Variants in SUN2 observed in about 807,000 individuals in gnomAD.
SUN2 encodes the protein SUN domain-containing protein 2.
SUN2 carries 60 observed loss-of-function variants against 100.0 expected under a neutral mutation model. That is an observed-to-expected ratio of 0.60 (90% CI 0.49 to 0.74). SUN2 has a LOEUF of 0.74. SUN2 is among the 30% of genes least tolerant of loss of function. SUN2 has a pLI of 0.00. For missense variants in SUN2, 834 were observed against 954.6 expected, an observed-to-expected ratio of 0.87 and a Z score of 1.66; for synonymous variants, 367 against 403.3, an observed-to-expected ratio of 0.91 and a Z score of 1.08.
chr22:38,755,783 A>G lies in SUN2; in HGVS notation c.-58T>C. The G allele has an allele frequency of 5.1e-6, 5 of 984,442 alleles. No individual in the cohort carries two copies. The highest frequency in any genetic ancestry group is 6.0e-6 in the Non-Finnish European group (5 of 829,596). The allele number at this position is 984,442 out of a possible 1,614,324, so 61.0% of individuals were successfully genotyped here. The stretch of plus-strand genomic sequence containing the variant: ...CTCACCTGCTGCCGCGGCGGCTTCT[A>G]GCCCGGCCGGGGGCGTCCGAGGCCA... On this transcript the variant is annotated 5_prime_UTR_variant, in exon 1 of 18. Transcript: ENST00000689035. The surrounding 1 kb of genome is among the most constrained non-coding windows in gnomAD (Gnocchi z 5.7).
At chr22:38,745,284 A>ACAGGCAAGTACGAGCC (rs1318630743) in intron 8 of SUN2, 1 of 438,600 alleles carries the variant, frequency 2.3e-6, no homozygotes, top group Non-Finnish European at 4.7e-6. Flanking sequence ...ACAGATCCAC[A>ACAGGCAAGTACGAGCC]CAGGCAAGTA....
intron 9 of SUN2, 93 bp downstream of exon 9, chr22:38,742,208 C>G: frequency 6.8e-7 from 1 of 1,464,478 alleles, no homozygotes; most frequent in South Asian, 1.4e-5. Context: ...GCTGTCTGAT[C>G]CCAAATGACA....
rs963511801 is a variant in SUN2, at chr22:38,735,365, CCCA to C, written c.*899_*901del. On this transcript the variant is annotated 3_prime_UTR_variant, in exon 18 of 18. Coordinates refer to ENST00000689035, the MANE Select transcript of SUN2 (RefSeq NM_015374.3). ...CTCGCACCCCGATACCCTGAACGTC[CCCA>C]CAAGAGCCCAGGAGTTCCATGCTCC... The C allele has an allele frequency of 9.1e-5, 35 of 385,798 alleles. No homozygotes were observed. The highest frequency in any genetic ancestry group is 6.6e-5 in the Non-Finnish European group (13 of 196,534). 23.9% of individuals were successfully genotyped at this position (385,798 alleles called of 1,614,324 possible).
In SUN2 at chr22:38,749,371, C is replaced by T. The variant is rs117231474; in HGVS notation, c.614+395G>A. Among the ~76,000 whole-genome samples the T allele has an allele frequency of 5.2e-4, 79 of 152,198 alleles. 1 individual carries two copies. The East Asian group carries it at 0.014, about 28-fold the overall frequency. ...TGGGGAACTCGGGGGGTTAGATTGT[C>T]CCAGGCCCAAGAAGGAAGATGGACT... On this transcript the variant is annotated intron_variant, in intron 6 of 17. Coordinates refer to ENST00000689035, the MANE Select transcript of SUN2 (RefSeq NM_015374.3).
In SUN2 at chr22:38,750,229, C is replaced by G; in HGVS notation, c.516G>C (p.Ser172=). ...TGGGCACGGGTTGCAGCCCACCTGG[C>G]GAAGTGGCCACCATCCAGAGTAAGG... The part of the protein sequence containing the change: ...AGSLLWMVAT[S]PGRLFRLLYW... The change falls in exon 5 of 18, where the codon TCG becomes TCC. Residue 172 remains serine (S), a synonymous_variant. Transcript: ENST00000689035. 6.2e-7 allele frequency: 1 copy of G among 1,610,102 alleles called. No homozygotes were observed. Among genetic ancestry groups the G allele is most frequent in the Non-Finnish European group, 8.5e-7 (1 of 1,176,884 alleles).
Position 38,738,343 on chromosome 22 carries a change from C to T in SUN2, c.1948-78G>A. On this transcript the variant is annotated intron_variant, in intron 16 of 17. Transcript: ENST00000689035. The surrounding 1 kb of genome is among the most constrained non-coding windows in gnomAD (Gnocchi z 6.6). The stretch of plus-strand genomic sequence containing the variant: ...CTCCCCACTCCAATCCCTGCTCCTC[C>T]CACCCAGCAGGTCAGGCACCAGAGT... The T allele has an allele frequency of 7.6e-7, 1 of 1,320,038 alleles. No homozygotes were observed. The highest frequency in any genetic ancestry group is 2.3e-5 in the East Asian group (1 of 43,120). 81.8% of individuals were successfully genotyped at this position (1,320,038 alleles called of 1,614,324 possible). A position where few individuals can be genotyped will look rare whatever the true frequency, so the allele number is the denominator to read the frequency against.
At chr22:38,748,864 C>G in intron 6 of SUN2, 81 bp from the exon 7 acceptor site, 1 of 1,409,460 alleles carries the variant, frequency 7.1e-7, no homozygotes, top group East Asian at 2.3e-5. Context: ...CCAGGGAGTA[C>G]CCTGAGATGT....
intron 8 of SUN2, among the ~76,000 whole-genome samples, chr22:38,744,706 G>A (rs976394678): frequency 1.3e-5 from 2 of 152,352 alleles, no homozygotes; most frequent in East Asian, 1.9e-4. Flanking sequence ...GGGCCTCACT[G>A]TGTTGCCTAG....
At position 38,755,583 on chromosome 22, in the gene SUN2, G is replaced by A; in HGVS notation, c.-38+180C>T. On this transcript the variant is annotated intron_variant, in intron 1 of 17. Coordinates refer to ENST00000689035, the MANE Select transcript of SUN2 (RefSeq NM_015374.3). This position sits in a 1 kb window ranked among gnomAD's most constrained non-coding sequence, Gnocchi z 5.7. ...CAGTGGCGCGGCAGGCGGGGCGGGG[G>A]CCAGGAGGTGAGTCAGGGCGCGGGC... 1 of 945,270 alleles carries A rather than the reference G, an allele frequency of 1.1e-6. No homozygotes were observed. The highest frequency in any genetic ancestry group is 1.3e-6 in the Non-Finnish European group (1 of 793,104). 58.6% of individuals were successfully genotyped at this position (945,270 alleles called of 1,614,324 possible).
Position 38,740,271 on chromosome 22 carries a change from T to C in SUN2, c.1352A>G (p.Asp451Gly), listed in dbSNP as rs2092844667. ...LLPQQIQAVR[D>G]DVESQFPAWI... is the part of the protein sequence containing the mutation. Reference sequence around the variant, plus strand: ...GCCCTGGTGGTTCCCACTCACGTCGTCCCGCACGGCCTGGATCTGCTGGGG... The same window carrying C: ...GCCCTGGTGGTTCCCACTCACGTCGCCCCGCACGGCCTGGATCTGCTGGGG... Residue 451 changes from aspartate (D) to glycine (G), a missense_variant, in exon 12 of 18, where the codon GAC becomes GGC. Around this residue, in one of 3 missense-constraint regions of SUN2, gnomAD observed 559 missense variants for 597.7 expected, o/e 0.94. Coordinates refer to ENST00000689035, the MANE Select transcript of SUN2 (RefSeq NM_015374.3). This position sits in a 1 kb window ranked among gnomAD's most constrained non-coding sequence, Gnocchi z 4.8. 6.3e-7 allele frequency: 1 copy of C among 1,586,832 alleles called. No homozygotes were observed. Among genetic ancestry groups the C allele is most frequent in the Non-Finnish European group, 8.6e-7 (1 of 1,165,996 alleles).
intron 2 of SUN2, among the ~76,000 whole-genome samples, chr22:38,752,295 G>A (rs891220175): frequency 2.6e-5 from 4 of 152,242 alleles, no homozygotes; most frequent in Non-Finnish European, 4.4e-5. Flanking sequence ...CAGCAGCCCC[G>A]GCTCACAGTC....
At position 38,736,278 on chromosome 22, in the gene SUN2, G is replaced by A. The variant is rs1045770195; in HGVS notation, c.2143C>T (p.Pro715Ser). 6.2e-7 allele frequency: 1 copy of A among 1,612,774 alleles called. No individual in the cohort carries two copies. Residue 715 changes from proline to serine, a missense_variant, in exon 18 of 18, where the codon CCC (proline) becomes TCC (serine). By Grantham distance (74) the Pro-to-Ser change is moderately conservative (BLOSUM62 -1). This residue lies in a region of SUN2 where 80 missense variants were observed against 76.7 expected (regional missense o/e 1.04). Coordinates refer to ENST00000689035, the MANE Select transcript of SUN2 (RefSeq NM_015374.3). Reference sequence around the variant, plus strand: ...ACCAGTAAGCAGGGCTAGTGGGCGGGCTCCCCATGCACTCTGAAGCGGTAG... The same window carrying A: ...ACCAGTAAGCAGGGCTAGTGGGCGGACTCCCCATGCACTCTGAAGCGGTAG... Reference protein sequence around the residue: ...CIYRFRVHGEPAH With the variant: ...CIYRFRVHGESAH
Position 38,739,454 on chromosome 22 carries a change from G to C in SUN2, c.1579-28C>G. ...GCAATGCAGGCACCAGGAGACGGTTGCAGCAGGGAGCAGACGTGTCCCCCT... is the reference window on the plus strand; with the variant it reads ...GCAATGCAGGCACCAGGAGACGGTTCCAGCAGGGAGCAGACGTGTCCCCCT... On this transcript the variant is annotated intron_variant, in intron 13 of 17. Coordinates refer to ENST00000689035, the MANE Select transcript of SUN2 (RefSeq NM_015374.3). This position sits in a 1 kb window ranked among gnomAD's most constrained non-coding sequence, Gnocchi z 6.7. The C allele has an allele frequency of 6.2e-7, 1 of 1,610,534 alleles. No individual in the cohort carries two copies. The highest frequency in any genetic ancestry group is 8.5e-7 in the Non-Finnish European group (1 of 1,178,306).
At chr22:38,750,688 G>A (rs1462058572) in intron 4 of SUN2, among the ~76,000 whole-genome samples, 1 of 152,218 alleles carries the variant, frequency 6.6e-6, no homozygotes, top group East Asian at 1.9e-4. Flanking sequence ...CTCGTGGGGT[G>A]GGGAGGACAG....
At chr22:38,736,469 G>C (rs963661935) in intron 17 of SUN2, 89 bp from the exon 18 acceptor site, 1 of 1,063,554 alleles carries the variant, frequency 9.4e-7, no homozygotes, top group East Asian at 2.7e-5. Flanking sequence ...GCCTCGCCTA[G>C]GGCCAGATGG....
chr22:38,738,818 G>A lies in SUN2; in HGVS notation c.1779+55C>T. 1 of 1,597,604 alleles carries A rather than the reference G, an allele frequency of 6.3e-7. No individual in the cohort carries two copies. Among genetic ancestry groups the A allele is most frequent in the South Asian group, 1.1e-5 (1 of 89,268 alleles). On this transcript the variant is annotated intron_variant, in intron 15 of 17. Transcript: ENST00000689035. This position sits in a 1 kb window ranked among gnomAD's most constrained non-coding sequence, Gnocchi z 6.6. ...GTCCAGCTCTTGCTGACCCCAGATGGGACCAGCCCTCAGTGTGCTCAGAGC... is the reference window on the plus strand; with the variant it reads ...GTCCAGCTCTTGCTGACCCCAGATGAGACCAGCCCTCAGTGTGCTCAGAGC...
At chr22:38,742,765 G>A (rs1175023357) in intron 8 of SUN2, 2 of 597,174 alleles carry the variant, frequency 3.3e-6, no homozygotes, top group Admixed American at 3.2e-5. Context: ...ACTGGGTGCC[G>A]GCCACAGAGG....
chr22:38,750,758 G>A (rs1011927560), intron 4 of SUN2, 140 bp downstream of exon 4: 22 of 1,351,542 alleles, frequency 1.6e-5, no homozygotes, highest in South Asian at 1.6e-4. Flanking sequence ...AGGCTGGGGC[G>A]CACCCAGGGC....
At chr22:38,750,456 A>G (rs2092936613) in intron 4 of SUN2, 136 bp from the exon 5 acceptor site, 19 of 1,492,088 alleles carry the variant, frequency 1.3e-5, no homozygotes, top group Non-Finnish European at 1.5e-5. Context: ...GGTGTGCAGT[A>G]AGGAATGAAA....
Sources: allele counts gnomAD v4.1 joint callset (sites outside exome capture counted in the v4.1 genomes callset), GRCh38; gene constraint gnomAD v4.1.1; regional missense constraint gnomAD v4.1.1; non-coding constraint Gnocchi (gnomAD v3.1); transcripts MANE v1.5; gene names NCBI Gene and HGNC (gene_info 2026-07-23, HGNC 2026-07-21).